Variants in DDX19B observed in about 807,000 individuals in gnomAD.
DDX19B encodes DEAD-box helicase 19B, also known as ATP-dependent RNA helicase DDX19B.
A neutral mutation model predicts 58.1 loss-of-function variants in DDX19B; 27 were observed. The ratio of observed to expected loss-of-function variants is 0.46; its 90% CI spans 0.34 to 0.64. The LOEUF (loss-of-function observed/expected upper bound fraction) is 0.64, where lower values mean the gene tolerates loss of function less well. Ranked by LOEUF, DDX19B falls within the 30% of genes least tolerant of loss-of-function variation. The probability of loss-of-function intolerance (pLI) is 0.01; values close to 1 mark genes in which losing one functional copy is unlikely to be tolerated. For synonymous variants in DDX19B, 187 were observed against 214.4 expected (o/e 0.87, Z 1.12); for missense variants, 399 against 596.5 (o/e 0.67, Z 3.45).
upstream of DDX19B, among the ~76,000 whole-genome samples, chr16:70,296,939 A>G (rs1257097902): frequency 1.3e-5 from 2 of 152,112 alleles, no homozygotes; most frequent in East Asian, 3.9e-4. Context: ...TATTTGAGAC[A>G]GAGTCTTGCT....
upstream of DDX19B, among the ~76,000 whole-genome samples, chr16:70,296,041 G>T (rs58319566): frequency 0.075 from 10,486 of 140,584 alleles, 1,264 homozygotes; most frequent in African/African-American, 0.26. Context: ...GGCTCGCTCT[G>T]TTGCCCAGGC....
upstream of DDX19B, chr16:70,290,058 A>G: frequency 6.8e-6 from 2 of 292,738 alleles, no homozygotes; most frequent in Non-Finnish European, 6.9e-6. Flanking sequence ...GAAAAAAAAA[A>G]GTTAATATTT....
In DDX19B at chr16:70,316,956, C is replaced by T. The variant is rs192242145; in HGVS notation, c.297-540C>T. On this transcript the variant is annotated intron_variant, in intron 4 of 11. Coordinates refer to ENST00000288071, the MANE Select transcript of DDX19B (RefSeq NM_007242.7). The stretch of plus-strand genomic sequence containing the variant: ...GCACGGTGGCTCACGCCTGTAATCC[C>T]AGGACTTTGGGAGGCTGAGGCAGGT... 5.9e-4 allele frequency among the ~76,000 whole-genome samples: 90 copies of T among 151,994 alleles called. 2 individuals carry two copies. Among genetic ancestry groups the T allele is most frequent in the Non-Finnish European group, 7.9e-4 (54 of 68,008 alleles).
intron 1 of DDX19B, among the ~76,000 whole-genome samples, chr16:70,308,783 G>A (rs891503847): frequency 6.6e-6 from 1 of 151,776 alleles, no homozygotes; most frequent in Non-Finnish European, 1.5e-5. Flanking sequence ...AAAGTGCTGG[G>A]ATTACAGGTG....
rs765322820 is a variant in DDX19B, at chr16:70,316,120, C to G, written c.296+16C>G. 2.0e-5 allele frequency: 32 copies of G among 1,613,980 alleles called. No homozygotes were observed. Among genetic ancestry groups the G allele is most frequent in the Non-Finnish European group, 2.4e-5 (28 of 1,179,942 alleles). On this transcript the variant is annotated intron_variant, in intron 4 of 11. Transcript: ENST00000288071. The stretch of plus-strand genomic sequence containing the variant: ...AGCTTCGGCTGTGAGTATTTATTCA[C>G]CTTCTGACTCTTCCCCTTTGCACTG...
In DDX19B at chr16:70,329,392, C is replaced by T. The variant is rs749662239; in HGVS notation, c.708C>T (p.Ile236=). ...TCAAGTTCATTGATCCCAAGAAAAT[C>T]AAGGTGTTTGTTCTGGATGAGGCTG... is the stretch of plus-strand genomic sequence containing the variant. ...SKLKFIDPKK[I]KVFVLDEADV... The change falls in exon 8 of 12, where the codon ATC becomes ATT. Residue 236 remains isoleucine (I), a synonymous_variant. Coordinates refer to ENST00000288071, the MANE Select transcript of DDX19B (RefSeq NM_007242.7). The T allele has an allele frequency of 8.1e-6, 13 of 1,613,896 alleles. No individual in the cohort carries two copies. The South Asian group carries it at 1.3e-4, about 16-fold the overall frequency.
chr16:70,322,891 C>CAAAAAAAA (rs113261271), intron 5 of DDX19B, among the ~76,000 whole-genome samples: 2 of 48,168 alleles, frequency 4.2e-5, no homozygotes. Context: ...AACTCCGTTG[C>CAAAAAAAA]AAAAAAAAAA....
At position 70,315,872 on chromosome 16, in the gene DDX19B, CATT is replaced by C. The variant is rs1341138463; in HGVS notation, c.161-90_161-88del. 2.0e-5 allele frequency: 29 copies of C among 1,468,372 alleles called. No individual in the cohort carries two copies. The South Asian group carries it at 2.5e-4, about 13-fold the overall frequency. 91.0% of individuals were successfully genotyped at this position (1,468,372 alleles called of 1,614,324 possible). On this transcript the variant is annotated intron_variant, in intron 3 of 11. Transcript: ENST00000288071. Reference sequence around the variant, plus strand: ...GTACCTTGAATTTGAATGTTCAGTACATTATTATTTAAAATACAAATGGCAGTT... The same window carrying C: ...GTACCTTGAATTTGAATGTTCAGTACATTATTTAAAATACAAATGGCAGTT...
chr16:70,327,070 G>A (rs1167453399), intron 7 of DDX19B, among the ~76,000 whole-genome samples: 27 of 151,220 alleles, frequency 1.8e-4, no homozygotes, highest in Non-Finnish European at 3.8e-4. Flanking sequence ...TGCTGACCTC[G>A]TGATCCTCCC....
At chr16:70,316,633 T>G (rs1426501840) in intron 4 of DDX19B, among the ~76,000 whole-genome samples, 6 of 152,078 alleles carry the variant, frequency 3.9e-5, no homozygotes, top group Admixed American at 3.9e-4. Flanking sequence ...CTGGGCAACA[T>G]AGCGAGACCA....
rs1963352716 is a variant in DDX19B, at chr16:70,329,322, T to G, written c.638T>G (p.Ile213Ser). The part of the protein sequence containing the change: ...LERGQKISEQ[I>S]VIGTPGTVLD... Reference sequence around the variant, plus strand: ...AGAGGCCAGAAGATCAGTGAGCAGATTGTCATTGGCACCCCTGGGACTGTG... The same window carrying G: ...AGAGGCCAGAAGATCAGTGAGCAGAGTGTCATTGGCACCCCTGGGACTGTG... Residue 213 changes from isoleucine to serine, a missense_variant, in exon 8 of 12, where the codon ATT becomes AGT. Physicochemically the swap from Ile to Ser is moderately radical, Grantham distance 142. Coordinates refer to ENST00000288071, the MANE Select transcript of DDX19B (RefSeq NM_007242.7). 1 of 1,613,714 alleles carries G rather than the reference T, an allele frequency of 6.2e-7. No homozygotes were observed. Among genetic ancestry groups the G allele is most frequent in the African/African-American group, 1.3e-5 (1 of 74,794 alleles).
chr16:70,289,961 G>A (rs1597454473), upstream of DDX19B: 2 of 329,288 alleles, frequency 6.1e-6, no homozygotes, highest in Non-Finnish European at 1.2e-5. Context: ...ACACTTGTCC[G>A]GGGGAGACCT....
intron 5 of DDX19B, 183 bp downstream of exon 5, chr16:70,317,771 C>CAA: frequency 8.6e-6 from 3 of 346,898 alleles, no homozygotes; most frequent in African/African-American, 2.2e-5. Context: ...GACCCTGTCT[C>CAA]AACAAAAAAA....
chr16:70,328,570 C>T (rs1437976245), intron 7 of DDX19B, among the ~76,000 whole-genome samples: 3 of 151,738 alleles, frequency 2.0e-5, no homozygotes, highest in African/African-American at 7.3e-5. Context: ...GCCATGTTGG[C>T]CAGGCTGGTC....
chr16:70,290,156 A>G (rs1226758776), upstream of DDX19B: 1 of 176,752 alleles, frequency 5.7e-6, no homozygotes, highest in Non-Finnish European at 1.2e-5. Context: ...TAATTGCAAC[A>G]CTTTGGGAGG....
intron 6 of DDX19B, among the ~76,000 whole-genome samples, chr16:70,324,931 A>G (rs1963064094): frequency 6.6e-6 from 1 of 152,188 alleles, no homozygotes; most frequent in African/African-American, 2.4e-5. Flanking sequence ...TGTGCCTGTA[A>G]TCCCAGCTAC....
At chr16:70,308,427 G>A (rs1368628154) in intron 1 of DDX19B, among the ~76,000 whole-genome samples, 2 of 151,002 alleles carry the variant, frequency 1.3e-5, no homozygotes, top group Non-Finnish European at 2.9e-5. Flanking sequence ...AGTAGAGACA[G>A]GGTTTTACCA....
At chr16:70,304,021 A>T (rs573642423) in intron 1 of DDX19B, among the ~76,000 whole-genome samples, 1 of 151,932 alleles carries the variant, frequency 6.6e-6, no homozygotes, top group East Asian at 1.9e-4. Flanking sequence ...ATTTTTTCTA[A>T]TAAGGGGTAT....
chr16:70,325,697 G>A lies in DDX19B; in HGVS notation c.607+9G>A. 6.3e-7 allele frequency: 1 copy of A among 1,582,350 alleles called. No individual in the cohort carries two copies. Among genetic ancestry groups the A allele is most frequent in the Non-Finnish European group, 8.7e-7 (1 of 1,153,794 alleles). On this transcript the variant is annotated intron_variant, in intron 7 of 11. Coordinates refer to ENST00000288071, the MANE Select transcript of DDX19B (RefSeq NM_007242.7). The stretch of plus-strand genomic sequence containing the variant: ...TGTTCGAGGCAATAAATGTGAGTAT[G>A]TGAATTTGGTCCTAAATCATCAACC...
Sources: gnomAD v4.1 joint callset for allele counts (sites outside exome capture counted in the v4.1 genomes callset) on GRCh38, gnomAD v4.1.1 for gene constraint, MANE v1.5 for transcripts, NCBI Gene and HGNC (gene_info 2026-07-23, HGNC 2026-07-21) for gene names.